The following PRDM16 variants were observed in gnomAD, a reference collection of about 807,000 sequenced individuals.
PRDM16 encodes the protein histone-lysine N-methyltransferase PRDM16.
Under a neutral mutation model 110.6 loss-of-function variants are expected in PRDM16, and 23 were observed. That is an observed-to-expected ratio of 0.21 (90% confidence interval 0.15 to 0.29). The LOEUF (loss-of-function observed/expected upper bound fraction) is 0.29. Among genes scored for constraint, PRDM16 ranks in the 10% least tolerant of loss-of-function variants. The probability of loss-of-function intolerance (pLI) is 1.00; values close to 1 mark genes in which losing one functional copy is unlikely to be tolerated. For missense variants in PRDM16, 1,615 were observed against 1,794.3 expected, an observed-to-expected ratio of 0.90 and a Z score of 1.81; for synonymous variants, 799 against 781.8, an observed-to-expected ratio of 1.02 and a Z score of -0.37.
intron 1 of PRDM16, among the ~76,000 whole-genome samples, chr1:3,122,894 C>T (rs2100665461): frequency 6.6e-6 from 1 of 152,340 alleles, no homozygotes; most frequent in Middle Eastern, 3.4e-3. Context: ...AAATTCAAAC[C>T]AGGACTGGAG....
chr1:3,106,415 G>A (rs532293862), intron 1 of PRDM16, among the ~76,000 whole-genome samples: 1 of 152,302 alleles, frequency 6.6e-6, no homozygotes, highest in Admixed American at 6.5e-5. Flanking sequence ...TGGGGCCCGA[G>A]GGGGCTGGAG....
chr1:3,129,818 G>A (rs1569635442), intron 1 of PRDM16, among the ~76,000 whole-genome samples: 1 of 152,294 alleles, frequency 6.6e-6, no homozygotes, highest in East Asian at 1.9e-4. Flanking sequence ...ACAGGAGCCT[G>A]TCTGATTCTC....
chr1:3,429,907 T>G (rs1318917555), intron 14 of PRDM16, among the ~76,000 whole-genome samples: 1 of 152,198 alleles, frequency 6.6e-6, no homozygotes, highest in Non-Finnish European at 1.5e-5. Flanking sequence ...CTTGCTTGGA[T>G]GCCAAGAGCA....
At chr1:3,337,187 A>G (rs1352981681) in intron 3 of PRDM16, among the ~76,000 whole-genome samples, 1 of 151,792 alleles carries the variant, frequency 6.6e-6, no homozygotes, top group Non-Finnish European at 1.5e-5. Context: ...ATGCATCCAC[A>G]TGTGTGTTGG....
chr1:3,386,133 G>A (rs1456233420), intron 4 of PRDM16, among the ~76,000 whole-genome samples: 1 of 142,202 alleles, frequency 7.0e-6, no homozygotes, highest in African/African-American at 2.6e-5. Flanking sequence ...CCTGAACACC[G>A]TGCGTTCCTC....
rs1259230999 is a variant in PRDM16 at position 3,358,034 on chromosome 1, G to T, written c.439-27118G>T. ...ACATGCTCGCCCATGAGCTGAGTCT[G>T]CCTTGACCACTGAAGGAGGCTGCCC... On this transcript the variant is annotated intron_variant, in intron 3 of 16. Coordinates refer to ENST00000270722, the MANE Select transcript of PRDM16 (RefSeq NM_022114.4). This position sits in a 1 kb window ranked among gnomAD's most constrained non-coding sequence, Gnocchi z 4.0. Among the ~76,000 whole-genome samples, 2 of 152,258 alleles carry T rather than the reference G, an allele frequency of 1.3e-5. No individual in the cohort carries two copies. The highest frequency in any genetic ancestry group is 2.9e-5 in the Non-Finnish European group (2 of 68,038).
chr1:3,083,774 C>G (rs891650891), intron 1 of PRDM16, among the ~76,000 whole-genome samples: 2 of 152,180 alleles, frequency 1.3e-5, no homozygotes, highest in Non-Finnish European at 2.9e-5. Flanking sequence ...CATTATCCAC[C>G]TGACCTTCCG....
intron 3 of PRDM16, among the ~76,000 whole-genome samples, chr1:3,316,692 C>T (rs994476090): frequency 2.0e-5 from 3 of 151,644 alleles, no homozygotes; most frequent in Non-Finnish European, 2.9e-5. Context: ...ACAGGGTAGA[C>T]AGGAAACAGT....
intron 1 of PRDM16, among the ~76,000 whole-genome samples, chr1:3,108,062 T>C (rs932407730): frequency 1.3e-5 from 2 of 152,216 alleles, no homozygotes; most frequent in Non-Finnish European, 2.9e-5. Flanking sequence ...AGACAAACCT[T>C]GAGTTGGGAG....
In PRDM16 at chr1:3,425,786, C is replaced by CCACA. The variant is rs762728963; in HGVS notation, c.3109+38_3109+41dup. On this transcript the variant is annotated intron_variant, in intron 13 of 16. Coordinates refer to ENST00000270722, the MANE Select transcript of PRDM16 (RefSeq NM_022114.4). This position sits in a 1 kb window ranked among gnomAD's most constrained non-coding sequence, Gnocchi z 6.9. ...CGGGGTGGGGCAGCCCCCAGAGCAC[C>CCACA]CACACGGGCAGGCCCCACAGAGGGG... 1.9e-5 allele frequency: 30 copies of CCACA among 1,610,152 alleles called. No homozygotes were observed. The African/African-American group carries it at 3.3e-4, about 18-fold the overall frequency.
chr1:3,188,478 C>T (rs1305988182), intron 2 of PRDM16, among the ~76,000 whole-genome samples: 2 of 152,202 alleles, frequency 1.3e-5, no homozygotes, highest in African/African-American at 4.8e-5. Flanking sequence ...GTGTGTTTAT[C>T]CCGGGTGTGT....
At chr1:3,180,956 A>AGTCTTACACACTCG (rs1457950152) in intron 1 of PRDM16, among the ~76,000 whole-genome samples, 6 of 138,416 alleles carry the variant, frequency 4.3e-5, no homozygotes, top group Non-Finnish European at 6.0e-5. Flanking sequence ...TTACACACGC[A>AGTCTTACACACTCG]GTCTTACACA....
At chr1:3,153,500 G>A (rs373190174) in intron 1 of PRDM16, among the ~76,000 whole-genome samples, 79 of 152,306 alleles carry the variant, frequency 5.2e-4, no homozygotes, top group Middle Eastern at 3.4e-3. Flanking sequence ...GGACCAGAGC[G>A]GGGCTCCCCT....
chr1:3,337,667 C>G (rs1642188255), intron 3 of PRDM16, among the ~76,000 whole-genome samples: 1 of 152,228 alleles, frequency 6.6e-6, no homozygotes. Context: ...ATGCAACCAT[C>G]TCTGCCCCAG....
chr1:3,184,899 TG>T (rs1218410745), intron 1 of PRDM16, among the ~76,000 whole-genome samples: 1 of 151,384 alleles, frequency 6.6e-6, no homozygotes, highest in Non-Finnish European at 1.5e-5. Context: ...TGGGGAGGGG[TG>T]GTGCCACAGG....
intron 3 of PRDM16, chr1:3,307,826 A>G (rs1641348468): frequency 6.6e-6 from 1 of 151,900 alleles, no homozygotes; most frequent in African/African-American, 2.4e-5. Context: ...TCCATCCTCC[A>G]CTTATAATCT....
Position 3,402,828 on chromosome 1 carries a change from C to A in PRDM16, c.714C>A (p.Leu238=), listed in dbSNP as rs371540074. 94 of 1,612,896 alleles carry A rather than the reference C, an allele frequency of 5.8e-5. No homozygotes were observed. The highest frequency in any genetic ancestry group is 7.8e-5 in the Non-Finnish European group (92 of 1,179,898). Residue 238 remains leucine (L), a synonymous_variant, in exon 6 of 17, where the codon CTC becomes CTA. Coordinates refer to ENST00000270722, the MANE Select transcript of PRDM16 (RefSeq NM_022114.4). ...PTFRCDECDE[L]FQSKLDLRRH... is the part of the protein sequence containing the mutation. Reference sequence around the variant, plus strand: ...TCCGCTGTGACGAGTGTGACGAACTCTTCCAGTCCAAGCTGGACCTGCGGC... The same window carrying A: ...TCCGCTGTGACGAGTGTGACGAACTATTCCAGTCCAAGCTGGACCTGCGGC...
rs925171614 is a variant in PRDM16 at position 3,072,484 on chromosome 1, G to A, written c.37+3188G>A. On this transcript the variant is annotated intron_variant, in intron 1 of 16. Coordinates refer to ENST00000270722, the MANE Select transcript of PRDM16 (RefSeq NM_022114.4). ...ATCTAGCCCCTGGGGTGGGGGAGCTGCAGCCCCCACTAGATGGGGACTGTG... is the reference window on the plus strand; with the variant it reads ...ATCTAGCCCCTGGGGTGGGGGAGCTACAGCCCCCACTAGATGGGGACTGTG... Among the ~76,000 whole-genome samples the A allele has an allele frequency of 2.0e-5, 3 of 152,212 alleles. No individual in the cohort carries two copies. In the South Asian group the frequency reaches 6.2e-4, roughly 31 times the overall value.
At chr1:3,215,650 G>A (rs527288601) in intron 2 of PRDM16, among the ~76,000 whole-genome samples, 38 of 152,252 alleles carry the variant, frequency 2.5e-4, no homozygotes, top group African/African-American at 8.7e-4. Flanking sequence ...TCCTCTGCAC[G>A]GTGGCTCCAG....
Sources: allele counts gnomAD v4.1 joint callset (sites outside exome capture counted in the v4.1 genomes callset), GRCh38; gene constraint gnomAD v4.1.1; non-coding constraint Gnocchi (gnomAD v3.1); transcripts MANE v1.5; gene names NCBI Gene and HGNC (gene_info 2026-07-23, HGNC 2026-07-21).